FAM98B: variants seen among roughly 807,000 people sequenced by gnomAD.
FAM98B encodes tRNA-splicing ligase complex subunit FAM98B.
Under a neutral mutation model 43.9 loss-of-function variants are expected in FAM98B, and 32 were observed. That is an observed-to-expected ratio of 0.73 (90% confidence interval 0.55 to 0.98). The LOEUF (loss-of-function observed/expected upper bound fraction) is 0.98, where lower values mean the gene tolerates loss of function less well. FAM98B is among the 50% of genes least tolerant of loss of function. The pLI is 0.00. For missense variants in FAM98B, 514 were observed against 522.9 expected (o/e 0.98, Z 0.17); for synonymous variants, 190 against 174.0 (o/e 1.09, Z -0.72).
At chr15:38,469,544 G>T (rs1205082509) in intron 3 of FAM98B, among the ~76,000 whole-genome samples, 1 of 152,234 alleles carries the variant, frequency 6.6e-6, no homozygotes, top group Non-Finnish European at 1.5e-5. Flanking sequence ...TTTGAGGGTA[G>T]GCATCATATC....
In FAM98B at chr15:38,464,111, C is replaced by T; in HGVS notation, c.151C>T (p.Leu51Phe). 1 of 1,613,522 alleles carries T rather than the reference C, an allele frequency of 6.2e-7. No individual in the cohort carries two copies. The highest frequency in any genetic ancestry group is 8.5e-7 in the Non-Finnish European group (1 of 1,179,750). Residue 51 changes from leucine (L) to phenylalanine (F), a missense_variant, in exon 2 of 8, where the codon CTC becomes TTC. Leu to Phe is a conservative substitution (Grantham distance 22). Around this residue, in one of 2 missense-constraint regions of FAM98B, gnomAD observed 469 missense variants for 451.8 expected, o/e 1.04. Coordinates refer to ENST00000397609, the MANE Select transcript of FAM98B (RefSeq NM_173611.4). ...ATTATCTTCACCTGAATTTTCAGAG[C>T]TCTGTATTTGGTTAGGCTCTCAAAT... Reference protein sequence around the residue: ...GGLSSPEFSELCIWLGSQIKS... With the variant: ...GGLSSPEFSEFCIWLGSQIKS...
At position 38,485,907 on chromosome 15, in the gene FAM98B, A is replaced by G. The variant is rs1890363304; in HGVS notation, c.*1248A>G. 1 of 152,174 alleles carries G rather than the reference A, an allele frequency of 6.6e-6. No individual in the cohort carries two copies. Among genetic ancestry groups the G allele is most frequent in the African/African-American group, 2.4e-5 (1 of 41,446 alleles). The allele number at this position is 152,174 out of a possible 1,614,324, so 9.4% of individuals were successfully genotyped here. ...AGAGCTGGTACCATAAATTTTTTCA[A>G]TCTTAGTGTAAAATCTGTATCTCAT... On this transcript the variant is annotated 3_prime_UTR_variant, in exon 8 of 8. Transcript: ENST00000397609.
In FAM98B at chr15:38,483,986, T is replaced by C. The variant is rs190210595; in HGVS notation, c.898-269T>C. On this transcript the variant is annotated intron_variant, in intron 7 of 7. Coordinates refer to ENST00000397609, the MANE Select transcript of FAM98B (RefSeq NM_173611.4). ...ACATTCAATATCCTCCTTGTAGCTA[T>C]TTGAAACTATATATTAACTACAGTC... Among the ~76,000 whole-genome samples, 207 of 152,128 alleles carry C rather than the reference T, an allele frequency of 1.4e-3. 3 individuals are homozygous for C. Among genetic ancestry groups the C allele is most frequent in the African/African-American group, 4.7e-3 (197 of 41,556 alleles).
At chr15:38,470,485 C>T in intron 4 of FAM98B, 80 bp downstream of exon 4, 1 of 1,264,978 alleles carries the variant, frequency 7.9e-7, no homozygotes, top group Non-Finnish European at 1.1e-6. Flanking sequence ...AAACTATTCC[C>T]TATAATTATG....
At position 38,481,385 on chromosome 15, in the gene FAM98B, C is replaced by T. The variant is rs771907405; in HGVS notation, c.823C>T (p.Arg275Cys). The change falls in exon 7 of 8, where the codon CGT (arginine) becomes TGT (cysteine). Residue 275 changes from arginine (R) to cysteine (C), a missense_variant. Around this residue, in one of 2 missense-constraint regions of FAM98B, gnomAD observed 469 missense variants for 451.8 expected, o/e 1.04. Transcript: ENST00000397609. ...TITMAHLLAA[R>C]EDLSKIIRTS... The stretch of plus-strand genomic sequence containing the variant: ...TACAATGGCACATCTACTTGCTGCT[C>T]GTGAAGATCTATCCAAGATCATTAG... 25 of 1,613,980 alleles carry T rather than the reference C, an allele frequency of 1.5e-5. No individual in the cohort carries two copies. The highest frequency in any genetic ancestry group is 1.9e-5 in the Non-Finnish European group (23 of 1,180,024).
chr15:38,459,491 C>T, intron 1 of FAM98B: 1 of 335,356 alleles, frequency 3.0e-6, no homozygotes, highest in Non-Finnish European at 5.9e-6. Context: ...GCTTGGTGAG[C>T]ACCAGGGCAT....
intron 5 of FAM98B, 142 bp from the exon 6 acceptor site, chr15:38,474,040 C>T (rs1263896295): frequency 6.7e-6 from 4 of 595,558 alleles, no homozygotes; most frequent in Non-Finnish European, 1.2e-5. Context: ...AATAATTTAC[C>T]ATAAAGTCTC....
Position 38,465,375 on chromosome 15 carries a change from AAAG to A in FAM98B, c.328_330del (p.Lys110del), listed in dbSNP as rs1209395039. The A allele has an allele frequency of 1.9e-6, 3 of 1,603,760 alleles. No individual in the cohort carries two copies. The highest frequency in any genetic ancestry group is 2.3e-5 in the South Asian group (2 of 88,166). On this transcript the variant is annotated inframe_deletion, in exon 3 of 8. Coordinates refer to ENST00000397609, the MANE Select transcript of FAM98B (RefSeq NM_173611.4). ...CAGGAGATATTAAAGATCGTTTAAAAAAGAAGGAGGACTGTTTGAAACTTCTAT... is the reference window on the plus strand; with the variant it reads ...CAGGAGATATTAAAGATCGTTTAAAAAAGGAGGACTGTTTGAAACTTCTAT...
intron 4 of FAM98B, among the ~76,000 whole-genome samples, 198 bp from the exon 5 acceptor site, chr15:38,473,307 A>G (rs1298632823): frequency 2.0e-5 from 3 of 152,150 alleles, no homozygotes; most frequent in African/African-American, 7.2e-5. Context: ...AATGTGCTCT[A>G]TAGCTTGAAT....
In FAM98B at chr15:38,470,286, T is replaced by G. The variant is rs758501336; in HGVS notation, c.412T>G (p.Ser138Ala). 1 of 1,590,910 alleles carries G rather than the reference T, an allele frequency of 6.3e-7. No homozygotes were observed. Among genetic ancestry groups the G allele is most frequent in the South Asian group, 1.1e-5 (1 of 87,548 alleles). Residue 138 changes from serine to alanine, a missense_variant, in exon 4 of 8, where the codon TCT (serine) becomes GCT (alanine). Physicochemically the swap from Ser to Ala is moderately conservative, Grantham distance 99. Around this residue, in one of 2 missense-constraint regions of FAM98B, gnomAD observed 469 missense variants for 451.8 expected, o/e 1.04. Transcript: ENST00000397609. ...ATTACAGAACAAGAAACATAAAAATTCTCAATTAGATAAAAATAGTGAAGT... is the reference window on the plus strand; with the variant it reads ...ATTACAGAACAAGAAACATAAAAATGCTCAATTAGATAAAAATAGTGAAGT... ...QILQNKKHKNSQLDKNSEVYQ... is the reference protein window; with the variant it reads ...QILQNKKHKNAQLDKNSEVYQ...
intron 4 of FAM98B, among the ~76,000 whole-genome samples, chr15:38,471,372 A>G (rs1420079114): frequency 6.6e-6 from 1 of 152,078 alleles, no homozygotes; most frequent in Non-Finnish European, 1.5e-5. Context: ...TAGAGTTAAC[A>G]AGTTACTCTT....
At chr15:38,456,772 G>A (rs1438225849) in intron 1 of FAM98B, among the ~76,000 whole-genome samples, 2 of 152,326 alleles carry the variant, frequency 1.3e-5, no homozygotes, top group East Asian at 3.9e-4. Context: ...TATCCTTACA[G>A]TGAGAAGAAA....
chr15:38,473,427 A>G, intron 4 of FAM98B, 78 bp from the exon 5 acceptor site: 1 of 1,004,356 alleles, frequency 1.0e-6, no homozygotes, highest in Admixed American at 2.2e-5. Flanking sequence ...TAGTGTTCAG[A>G]GCGATACTTT....
intron 1 of FAM98B, among the ~76,000 whole-genome samples, chr15:38,463,445 T>C (rs1355718506): frequency 1.3e-5 from 2 of 151,422 alleles, no homozygotes; most frequent in East Asian, 3.9e-4. Flanking sequence ...GAGCCAAGAT[T>C]GTGTCACTAT....
At chr15:38,459,092 G>A in intron 1 of FAM98B, 4 of 346,736 alleles carry the variant, frequency 1.2e-5, no homozygotes, top group South Asian at 1.0e-4. Flanking sequence ...CACATTCAAA[G>A]AGTTCTCTCA....
At position 38,477,190 on chromosome 15, in the gene FAM98B, T is replaced by C. The variant is rs1319139357; in HGVS notation, c.729+2892T>C. ...AGCCTATTGGGAACTACAGTCGTTA[T>C]TAGGGATGGTTAATGTCAGGTTTTG... is the stretch of plus-strand genomic sequence containing the variant. On this transcript the variant is annotated intron_variant, in intron 6 of 7. Coordinates refer to ENST00000397609, the MANE Select transcript of FAM98B (RefSeq NM_173611.4). Among the ~76,000 whole-genome samples the C allele has an allele frequency of 5.7e-5, 7 of 123,540 alleles. No homozygotes were observed. The East Asian group carries it at 1.4e-3, about 24-fold the overall frequency. 81.0% of individuals were successfully genotyped at this position (123,540 alleles called of 152,430 possible).
chr15:38,465,269 G>A lies in FAM98B; in HGVS notation c.218G>A (p.Gly73Glu). The A allele has an allele frequency of 6.2e-7, 1 of 1,602,418 alleles. No homozygotes were observed. Among genetic ancestry groups the A allele is most frequent in the Non-Finnish European group, 8.5e-7 (1 of 1,177,144 alleles). ...GTTTTATGATTTTTCTTTTTTAAAG[G>A]AAGAGATGATCTAGAGAGCTTCCAG... ...CNLEESITSA[G>E]RDDLESFQLE... is the part of the protein sequence containing the mutation. Residue 73 changes from glycine (G) to glutamate (E), a missense_variant and splice_region_variant, in exon 3 of 8, where the codon GGA (glycine) becomes GAA (glutamate). By Grantham distance (98) the Gly-to-Glu change is moderately conservative. Transcript: ENST00000397609.
chr15:38,457,157 T>C (rs1401244273), intron 1 of FAM98B, among the ~76,000 whole-genome samples: 1 of 152,162 alleles, frequency 6.6e-6, no homozygotes, highest in Non-Finnish European at 1.5e-5. Context: ...TGATTGGATA[T>C]TAAAATTCAA....
chr15:38,459,367 A>T, intron 1 of FAM98B: 1 of 436,392 alleles, frequency 2.3e-6, no homozygotes, highest in South Asian at 1.7e-5. Flanking sequence ...CCTTATATGG[A>T]TGAGCTCAGT....
Sources: allele counts gnomAD v4.1 joint callset (sites outside exome capture counted in the v4.1 genomes callset), GRCh38; gene constraint gnomAD v4.1.1; regional missense constraint gnomAD v4.1.1; transcripts MANE v1.5; gene names NCBI Gene and HGNC (gene_info 2026-07-23, HGNC 2026-07-21).